Variants in SLC35F5 observed in about 807,000 individuals in gnomAD.
The protein encoded by SLC35F5 is solute carrier family 35 member F5.
In SLC35F5, 54 loss-of-function variants were observed where a neutral mutation model predicts 68.6. The ratio of observed to expected loss-of-function variants is 0.79; its 90% confidence interval spans 0.63 to 0.99. SLC35F5 has a LOEUF of 0.99. Ranked by LOEUF, SLC35F5 falls within the 50% of genes least tolerant of loss-of-function variation. The pLI is 0.00. For missense variants in SLC35F5, 567 were observed against 626.9 expected (o/e 0.90, Z 1.02); for synonymous variants, 211 against 205.2 (o/e 1.03, Z -0.24).
intron 7 of SLC35F5, among the ~76,000 whole-genome samples, chr2:113,741,240 T>C (rs1328692004): frequency 2.6e-5 from 4 of 151,744 alleles, no homozygotes; most frequent in African/African-American, 7.3e-5. Flanking sequence ...GTCAAATCCA[T>C]AGAAACAGAA....
chr2:113,745,695 TA>T (rs1319547517), intron 5 of SLC35F5, among the ~76,000 whole-genome samples: 4 of 151,486 alleles, frequency 2.6e-5, no homozygotes, highest in Non-Finnish European at 5.9e-5. Context: ...AAATAAAAAA[TA>T]AAAAAAGAGA....
chr2:113,730,501 A>C (rs1343741869), intron 10 of SLC35F5, among the ~76,000 whole-genome samples: 2 of 152,254 alleles, frequency 1.3e-5, no homozygotes, highest in African/African-American at 4.8e-5. Flanking sequence ...AGGAGGTTCA[A>C]AGCACAGCTC....
At position 113,734,626 on chromosome 2, in the gene SLC35F5, C is replaced by G; in HGVS notation, c.880G>C (p.Asp294His). 1 of 1,606,676 alleles carries G rather than the reference C, an allele frequency of 6.2e-7. No individual in the cohort carries two copies. Among genetic ancestry groups the G allele is most frequent in the Non-Finnish European group, 8.5e-7 (1 of 1,174,392 alleles). ...LAAVFPSNSG[D>H]RFTLSKLLAV... ...AATAGTTTAGAAAGGGTAAATCTAT[C>G]TCCACTGTTACTTGGAAATACTGCA... is the stretch of plus-strand genomic sequence containing the variant. Residue 294 changes from aspartate to histidine, a missense_variant, in exon 9 of 16, where the codon GAT becomes CAT. Transcript: ENST00000245680.
Position 113,707,363 on chromosome 2 carries a change from C to T in SLC35F5, c.*7855G>A, listed in dbSNP as rs1001033100. 1.9e-4 allele frequency among the ~76,000 whole-genome samples: 29 copies of T among 152,004 alleles called. No individual in the cohort carries two copies. Among genetic ancestry groups the T allele is most frequent in the Non-Finnish European group, 3.7e-4 (25 of 68,006 alleles). On this transcript the variant is annotated 3_prime_UTR_variant, in exon 16 of 16. Transcript: ENST00000245680. ...TCTTGTCTTATATAAATATACAAAT[C>T]ACAGTATGCTGACACTAGATAACTT...
At chr2:113,725,346 C>A in intron 12 of SLC35F5, 32 bp downstream of exon 12, 1 of 1,566,470 alleles carries the variant, frequency 6.4e-7, no homozygotes, top group Admixed American at 2.2e-5. Flanking sequence ...AATTAATCAA[C>A]TGATAATAAT....
intron 1 of SLC35F5, 63 bp downstream of exon 1, chr2:113,756,307 C>T: frequency 1.3e-6 from 2 of 1,550,162 alleles, no homozygotes; most frequent in Non-Finnish European, 1.7e-6. Context: ...GGTGGTGCTG[C>T]TGGTGGGCAC....
intron 7 of SLC35F5, among the ~76,000 whole-genome samples, chr2:113,739,523 T>C (rs1020499084): frequency 3.9e-5 from 6 of 152,212 alleles, no homozygotes; most frequent in African/African-American, 1.2e-4. Flanking sequence ...TATTCTGCTA[T>C]GTAAATCAAA....
rs1044788594 is a variant in SLC35F5 at position 113,714,994 on chromosome 2, A to C, written c.*224T>G. 6.5e-6 allele frequency: 1 copy of C among 152,746 alleles called. No homozygotes were observed. The highest frequency in any genetic ancestry group is 2.1e-4 in the South Asian group (1 of 4,830). The allele number at this position is 152,746 out of a possible 1,614,324, so 9.5% of individuals were successfully genotyped here. On this transcript the variant is annotated 3_prime_UTR_variant, in exon 16 of 16. Coordinates refer to ENST00000245680, the MANE Select transcript of SLC35F5 (RefSeq NM_025181.5). ...GGTCCTTTGGATGGACTGTAGACTG[A>C]AACTTCCTATAACTGTAGTGATATG...
intron 7 of SLC35F5, among the ~76,000 whole-genome samples, chr2:113,736,383 T>G (rs1013951134): frequency 9.2e-5 from 14 of 151,496 alleles, no homozygotes; most frequent in African/African-American, 2.9e-4. Context: ...AGGTTGAGGC[T>G]GCAGTGAGGC....
At chr2:113,747,028 T>C (rs1414711454) in intron 4 of SLC35F5, among the ~76,000 whole-genome samples, 1 of 152,084 alleles carries the variant, frequency 6.6e-6, no homozygotes, top group Non-Finnish European at 1.5e-5. Flanking sequence ...GGCTCACACC[T>C]GTAATCCCGG....
intron 12 of SLC35F5, among the ~76,000 whole-genome samples, 182 bp downstream of exon 12, chr2:113,725,196 A>G (rs535618589): frequency 6.6e-6 from 1 of 152,354 alleles, no homozygotes; most frequent in South Asian, 2.1e-4. Context: ...GTACTACTCT[A>G]GAATGGGCAC....
At chr2:113,704,835 G>C (rs1574190155), downstream of SLC35F5, among the ~76,000 whole-genome samples, 1 of 152,286 alleles carries the variant, frequency 6.6e-6, no homozygotes, top group Middle Eastern at 3.4e-3. Context: ...GCCTCGGCCA[G>C]CCCAGGAAGG....
chr2:113,718,493 GT>G (rs1559316863), intron 14 of SLC35F5, among the ~76,000 whole-genome samples: 2 of 152,156 alleles, frequency 1.3e-5, no homozygotes, highest in Non-Finnish European at 2.9e-5. Flanking sequence ...ATTTAAGTTT[GT>G]TATGGCAAAA....
intron 7 of SLC35F5, chr2:113,741,823 TTAG>T (rs1559350588): frequency 6.6e-6 from 1 of 152,186 alleles, no homozygotes; most frequent in African/African-American, 2.4e-5. Flanking sequence ...AATAGTGTTA[TTAG>T]TAGAGCCAGG....
At chr2:113,732,320 G>A (rs1176059250) in intron 9 of SLC35F5, among the ~76,000 whole-genome samples, 2 of 152,050 alleles carry the variant, frequency 1.3e-5, no homozygotes, top group African/African-American at 4.8e-5. Flanking sequence ...TTACAGAAGT[G>A]AACAATACAG....
chr2:113,737,988 A>T (rs566515343), intron 7 of SLC35F5, among the ~76,000 whole-genome samples: 1 of 151,336 alleles, frequency 6.6e-6, no homozygotes, highest in African/African-American at 2.5e-5. Context: ...TGATAAAAAT[A>T]GTGTATGTTC....
chr2:113,722,667 G>A (rs1687491799), intron 13 of SLC35F5, among the ~76,000 whole-genome samples: 1 of 152,168 alleles, frequency 6.6e-6, no homozygotes. Flanking sequence ...AGAGAAAAGG[G>A]ATGGGATACC....
At position 113,729,390 on chromosome 2, in the gene SLC35F5, T is replaced by C. The variant is rs1475567004; in HGVS notation, c.1090+11A>G. 1.5e-6 allele frequency: 2 copies of C among 1,370,432 alleles called. No homozygotes were observed. The highest frequency in any genetic ancestry group is 1.5e-5 in the African/African-American group (1 of 68,088). The allele number at this position is 1,370,432 out of a possible 1,614,324, so 84.9% of individuals were successfully genotyped here. ...AGAGTAAATAGCCTCCCAAGTTACA[T>C]ATATTCTTACCAAAGAACATTGGAA... is the stretch of plus-strand genomic sequence containing the variant. On this transcript the variant is annotated intron_variant, in intron 11 of 15. Transcript: ENST00000245680.
rs752716088 is a variant in SLC35F5 at position 113,756,428 on chromosome 2, C to G, written c.-19G>C. ...GCACCATGAGCGGACCGGTCAGGCCCCGCAGCCGCCCAGCGCCACGGCCGC... is the reference window on the plus strand; with the variant it reads ...GCACCATGAGCGGACCGGTCAGGCCGCGCAGCCGCCCAGCGCCACGGCCGC... On this transcript the variant is annotated 5_prime_UTR_variant, in exon 1 of 16. Transcript: ENST00000245680. The G allele has an allele frequency of 1.7e-5, 27 of 1,544,728 alleles. No individual in the cohort carries two copies. Among genetic ancestry groups the G allele is most frequent in the Non-Finnish European group, 2.3e-5 (26 of 1,147,012 alleles).
Sources: gnomAD v4.1 joint callset for allele counts (sites outside exome capture counted in the v4.1 genomes callset) on GRCh38, gnomAD v4.1.1 for gene constraint, MANE v1.5 for transcripts, NCBI Gene and HGNC (gene_info 2026-07-23, HGNC 2026-07-21) for gene names.